Variants in ANK2 observed in about 807,000 individuals in gnomAD.
ANK2 encodes the protein ankyrin 2, also known as ankyrin-2.
Under a neutral mutation model 360.5 loss-of-function variants are expected in ANK2, and 83 were observed. That is an observed-to-expected ratio of 0.23 (90% confidence interval 0.19 to 0.28). ANK2 has a LOEUF of 0.28. Among genes scored for constraint, ANK2 ranks in the 10% least tolerant of loss-of-function variants. ANK2 has a pLI of 1.00. For missense variants in ANK2, 4,201 were observed against 4,795.7 expected (o/e 0.88, Z 3.66); for synonymous variants, 1,740 against 1,759.5 (o/e 0.99, Z 0.28).
Position 113,357,995 on chromosome 4 carries a change from A to C in ANK2, c.9377A>C (p.Asp3126Ala). Residue 3126 changes from aspartate to alanine, a missense_variant, in exon 38 of 46, where the codon GAT becomes GCT. This residue lies in a region of ANK2 where 2,642 missense variants were observed against 2,714.5 expected (regional missense o/e 0.97). Coordinates refer to ENST00000357077, the MANE Select transcript of ANK2 (RefSeq NM_001148.6). ...GATATGACCAAAAGGTCCTATGCAG[A>C]TGAAAGTTTTCACTTTTTCCAAATT... ...AIDMTKRSYA[D>A]ESFHFFQIGQ... 1.2e-6 allele frequency: 2 copies of C among 1,614,040 alleles called. No homozygotes were observed. Among genetic ancestry groups the C allele is most frequent in the Non-Finnish European group, 1.7e-6 (2 of 1,179,956 alleles).
chr4:112,978,193 G>A (rs2042041451), intron 2 of ANK2, among the ~76,000 whole-genome samples: 1 of 151,902 alleles, frequency 6.6e-6, no homozygotes, highest in African/African-American at 2.4e-5. Context: ...GCAGTGAGTC[G>A]AGATTGCGCC....
At chr4:113,296,834 A>G (rs764785292) in intron 22 of ANK2, among the ~76,000 whole-genome samples, 12 of 152,204 alleles carry the variant, frequency 7.9e-5, no homozygotes, top group Non-Finnish European at 1.6e-4. Context: ...CATATGACTC[A>G]TCCTTCCGCT....
chr4:113,326,811 G>A (rs903741744), intron 26 of ANK2, among the ~76,000 whole-genome samples: 12 of 152,090 alleles, frequency 7.9e-5, no homozygotes, highest in Admixed American at 7.9e-4. Context: ...AAACCAGCCT[G>A]AGCAACATAG....
At chr4:112,831,805 G>C (rs7672708) in intron 1 of ANK2, among the ~76,000 whole-genome samples, 88,328 of 151,598 alleles carry the variant, frequency 0.58, 26,644 homozygotes, top group East Asian at 0.93. Context: ...CCTGAAGCCA[G>C]CGAGACCACG....
intron 2 of ANK2, among the ~76,000 whole-genome samples, chr4:113,187,661 G>A (rs1384572984): frequency 1.3e-5 from 2 of 152,148 alleles, no homozygotes; most frequent in Non-Finnish European, 2.9e-5. Context: ...AAACTTACCA[G>A]GGAGAGACAC....
Position 113,369,766 on chromosome 4 carries a change from G to A in ANK2, c.11571G>A (p.Glu3857=). 6.2e-7 allele frequency: 1 copy of A among 1,614,112 alleles called. No individual in the cohort carries two copies. ...VIVESADNQP[E]TCERLDEDAA... ...TGGAGTCTGCCGATAACCAGCCTGA[G>A]ACCTGTGAAAGACTCGATGAAGATG... Residue 3857 remains glutamate, a synonymous_variant, in exon 43 of 46, where the codon GAG becomes GAA. Transcript: ENST00000357077.
At chr4:112,921,320 C>T (rs868653478) in intron 2 of ANK2, among the ~76,000 whole-genome samples, 44 of 151,098 alleles carry the variant, frequency 2.9e-4, no homozygotes, top group African/African-American at 1.0e-3. Flanking sequence ...CCACTGCACC[C>T]GGCTGATTCT....
chr4:113,363,818 G>A (rs2096377061), intron 40 of ANK2, among the ~76,000 whole-genome samples: 1 of 152,082 alleles, frequency 6.6e-6, no homozygotes, highest in African/African-American at 2.4e-5. Context: ...GTGTGTGTGA[G>A]TGCCCCCTGC....
At chr4:113,306,857 A>T (rs1346293479) in intron 23 of ANK2, among the ~76,000 whole-genome samples, 1 of 152,220 alleles carries the variant, frequency 6.6e-6, no homozygotes, top group African/African-American at 2.4e-5. Context: ...TAACATCCTT[A>T]TGGAGGAATA....
intron 1 of ANK2, among the ~76,000 whole-genome samples, chr4:112,874,839 T>C (rs2074498073): frequency 6.6e-6 from 1 of 152,064 alleles, no homozygotes; most frequent in Non-Finnish European, 1.5e-5. Flanking sequence ...TTAGTAATTA[T>C]ATCGATTGCA....
chr4:112,851,020 A>G (rs866910010), intron 1 of ANK2, among the ~76,000 whole-genome samples: 2 of 152,196 alleles, frequency 1.3e-5, no homozygotes, highest in Non-Finnish European at 2.9e-5. Context: ...CTAAGGTTTT[A>G]TGGGACCAAT....
the ANK2 span, among the ~76,000 whole-genome samples, chr4:112,799,104 T>C: frequency 6.6e-6 from 1 of 152,230 alleles, no homozygotes; most frequent in Non-Finnish European, 1.5e-5. Context: ...TTGCTTAGTA[T>C]AACGTCTTCA....
At chr4:113,091,220 A>C (rs1219025596) in intron 1 of ANK2, among the ~76,000 whole-genome samples, 1 of 152,298 alleles carries the variant, frequency 6.6e-6, no homozygotes, top group South Asian at 2.1e-4. Flanking sequence ...TTTTAGCATC[A>C]TATTGATATC....
intron 1 of ANK2, among the ~76,000 whole-genome samples, chr4:113,075,255 A>G (rs2079436263): frequency 6.6e-6 from 1 of 152,216 alleles, no homozygotes; most frequent in South Asian, 2.1e-4. Flanking sequence ...AACGATGAAT[A>G]GTGTTGATAT....
chr4:113,023,302 C>A (rs1296021654), intron 2 of ANK2, among the ~76,000 whole-genome samples: 1 of 152,138 alleles, frequency 6.6e-6, no homozygotes, highest in Non-Finnish European at 1.5e-5. Flanking sequence ...AAACTTCCCA[C>A]CAATGATCTA....
At chr4:113,283,106 A>T (rs942318705) in intron 18 of ANK2, among the ~76,000 whole-genome samples, 2 of 152,168 alleles carry the variant, frequency 1.3e-5, no homozygotes, top group African/African-American at 4.8e-5. Flanking sequence ...TTTTCTATGC[A>T]AGTCAGTTTC....
intron 1 of ANK2, among the ~76,000 whole-genome samples, chr4:112,822,372 CGT>C (rs2057356310): frequency 6.8e-6 from 1 of 147,684 alleles, no homozygotes; most frequent in South Asian, 2.2e-4. Context: ...GAGCCAAGAT[CGT>C]GCCACTGCAC....
intron 1 of ANK2, among the ~76,000 whole-genome samples, chr4:112,878,488 A>C (rs1444864839): frequency 6.7e-6 from 1 of 149,338 alleles, no homozygotes; most frequent in African/African-American, 2.5e-5. Context: ...CACCACGCCC[A>C]GTTAATTTTT....
At chr4:112,966,456 A>C (rs114870845) in intron 2 of ANK2, among the ~76,000 whole-genome samples, 3,109 of 151,614 alleles carry the variant, frequency 0.021, 89 homozygotes, top group African/African-American at 0.06. Flanking sequence ...CAAATGAGTA[A>C]GTGTGTGTGT....
Sources: allele counts gnomAD v4.1 joint callset (sites outside exome capture counted in the v4.1 genomes callset), GRCh38; gene constraint gnomAD v4.1.1; regional missense constraint gnomAD v4.1.1; transcripts MANE v1.5; gene names NCBI Gene and HGNC (gene_info 2026-07-23, HGNC 2026-07-21).